DNAAF4: variants seen among roughly 807,000 people sequenced by gnomAD.
The protein encoded by DNAAF4 is dynein axonemal assembly factor 4.
A neutral mutation model predicts 51.8 loss-of-function variants in DNAAF4; 43 were observed. That is an observed-to-expected ratio of 0.83 (90% confidence interval 0.65 to 1.07). The LOEUF (loss-of-function observed/expected upper bound fraction) is 1.07, where lower values mean the gene tolerates loss of function less well. Ranked by LOEUF, DNAAF4 falls within the 50% of genes least tolerant of loss-of-function variation. DNAAF4 has a pLI of 0.00. For missense variants in DNAAF4, 581 were observed against 493.0 expected (o/e 1.18, Z -1.69); for synonymous variants, 194 against 165.6 (o/e 1.17, Z -1.32).
chr15:55,470,873 A>C (rs1358939538), intron 4 of DNAAF4, among the ~76,000 whole-genome samples: 1 of 101,700 alleles, frequency 9.8e-6, no homozygotes, highest in Non-Finnish European at 1.9e-5. Context: ...TTTTTTTGAG[A>C]CAAGGTCTTG....
chr15:55,460,921 C>T (rs2058086203), intron 5 of DNAAF4, among the ~76,000 whole-genome samples: 1 of 152,120 alleles, frequency 6.6e-6, no homozygotes, highest in Admixed American at 6.6e-5. Context: ...CCCGCCACCA[C>T]ACCAGCCTAA....
At chr15:55,424,815 C>G (rs1018178474) in intron 7 of DNAAF4, among the ~76,000 whole-genome samples, 1 of 152,084 alleles carries the variant, frequency 6.6e-6, no homozygotes, top group African/African-American at 2.4e-5. Flanking sequence ...CCTGCCTCAG[C>G]CTCCCAAAGT....
At chr15:55,452,396 TC>T (rs1443376529) in intron 5 of DNAAF4, among the ~76,000 whole-genome samples, 2 of 151,724 alleles carry the variant, frequency 1.3e-5, no homozygotes, top group African/African-American at 4.8e-5. Context: ...ATCACTATTA[TC>T]CCATGAGGAT....
chr15:55,469,740 T>A (rs1020532203), intron 4 of DNAAF4, among the ~76,000 whole-genome samples: 2 of 152,120 alleles, frequency 1.3e-5, no homozygotes, highest in African/African-American at 4.8e-5. Flanking sequence ...TCCGCCCACC[T>A]TGACCTCCCA....
At chr15:55,505,811 A>G (rs1374765599) in intron 1 of DNAAF4, among the ~76,000 whole-genome samples, 2 of 152,198 alleles carry the variant, frequency 1.3e-5, no homozygotes, top group East Asian at 3.8e-4. Context: ...AGAAATACCT[A>G]ATGTAAGTGA....
chr15:55,438,299 C>A (rs1365615604), intron 7 of DNAAF4, among the ~76,000 whole-genome samples: 1 of 149,184 alleles, frequency 6.7e-6, no homozygotes, highest in Non-Finnish European at 1.5e-5. Context: ...TGCATTGAGC[C>A]AAGATTGTGC....
intron 4 of DNAAF4, among the ~76,000 whole-genome samples, chr15:55,473,247 GTGTGTATATATA>G (rs2058286626): frequency 7.7e-6 from 1 of 130,298 alleles, no homozygotes; most frequent in African/African-American, 3.1e-5. Flanking sequence ...ATATATATGT[GTGTGTATATATA>G]TGTGTATATA....
intron 6 of DNAAF4, among the ~76,000 whole-genome samples, chr15:55,447,678 C>T (rs1279584532): frequency 1.3e-5 from 2 of 148,986 alleles, no homozygotes; most frequent in South Asian, 2.2e-4. Context: ...GTCGGCAGGC[C>T]GAGGCAGGAG....
chr15:55,465,393 TACACAC>T (rs61176405), intron 5 of DNAAF4, among the ~76,000 whole-genome samples: 4 of 149,692 alleles, frequency 2.7e-5, no homozygotes, highest in African/African-American at 7.4e-5. Flanking sequence ...GGTGTATATA[TACACAC>T]ACACACACAC....
intron 4 of DNAAF4, among the ~76,000 whole-genome samples, chr15:55,487,948 C>T (rs1470749667): frequency 6.6e-6 from 1 of 152,012 alleles, no homozygotes; most frequent in Non-Finnish European, 1.5e-5. Context: ...GCTAATGGTA[C>T]ATTAGCAAAT....
chr15:55,430,624 T>C lies in DNAAF4; in HGVS notation c.*46A>G. The C allele has an allele frequency of 6.3e-7, 1 of 1,590,490 alleles. No homozygotes were observed. On this transcript the variant is annotated 3_prime_UTR_variant, in exon 10 of 10. Transcript: ENST00000321149. ...TAATATGTACAAAGATGCCTCCAGT[T>C]GTTTTTAAAAAACTTATAACAATAC...
chr15:55,446,620 C>G (rs1323045409), intron 6 of DNAAF4, among the ~76,000 whole-genome samples: 1 of 138,486 alleles, frequency 7.2e-6, no homozygotes, highest in East Asian at 2.3e-4. Context: ...GGCGGCCGAG[C>G]AGAGGCGCAC....
chr15:55,429,751 A>G (rs543927320), downstream of DNAAF4, among the ~76,000 whole-genome samples: 1 of 151,436 alleles, frequency 6.6e-6, no homozygotes, highest in South Asian at 2.1e-4. Flanking sequence ...CAGGAGGCAG[A>G]GCTTGCAGTG....
At chr15:55,435,142 A>C in intron 7 of DNAAF4, 84 bp from the exon 8 acceptor site, 1 of 1,431,454 alleles carries the variant, frequency 7.0e-7, no homozygotes, top group South Asian at 1.4e-5. Context: ...TTTGACAAAG[A>C]GGATGGCTTA....
intron 6 of DNAAF4, among the ~76,000 whole-genome samples, chr15:55,445,284 A>C (rs1454209975): frequency 6.6e-6 from 1 of 151,988 alleles, no homozygotes; most frequent in East Asian, 1.9e-4. Flanking sequence ...TTAACAAAGC[A>C]CATCTTGCAC....
chr15:55,475,967 C>G (rs1296929608), intron 4 of DNAAF4, among the ~76,000 whole-genome samples: 1 of 152,092 alleles, frequency 6.6e-6, no homozygotes, highest in Admixed American at 6.6e-5. Flanking sequence ...ACCCTATCAC[C>G]TTTTAAGGCT....
chr15:55,505,012 A>C (rs1217727363), intron 1 of DNAAF4, among the ~76,000 whole-genome samples: 6 of 152,214 alleles, frequency 3.9e-5, no homozygotes, highest in Non-Finnish European at 4.4e-5. Flanking sequence ...AAATTTTTGC[A>C]ATCTATCCAT....
At chr15:55,436,799 G>A (rs1282703294) in intron 7 of DNAAF4, among the ~76,000 whole-genome samples, 2 of 152,240 alleles carry the variant, frequency 1.3e-5, no homozygotes, top group African/African-American at 2.4e-5. Flanking sequence ...GATTACAGGC[G>A]TGAGCCACTG....
Position 55,430,819 on chromosome 15 carries a change from TTTA to T in DNAAF4, c.1154-43_1154-41del, listed in dbSNP as rs767130041. Reference sequence around the variant, plus strand: ...CAATGATGATTAATACAATAAATATTTTATTAGCACTTCTTTTATCTAGACAAT... The same window carrying T: ...CAATGATGATTAATACAATAAATATTTTAGCACTTCTTTTATCTAGACAAT... On this transcript the variant is annotated intron_variant, in intron 9 of 9. Transcript: ENST00000321149. 8.5e-5 allele frequency: 125 copies of T among 1,464,822 alleles called. 1 individual carries two copies. Among genetic ancestry groups the T allele is most frequent in the Non-Finnish European group, 1.1e-4 (117 of 1,055,688 alleles). 90.7% of individuals were successfully genotyped at this position (1,464,822 alleles called of 1,614,324 possible). A position where few individuals can be genotyped will look rare whatever the true frequency, so the allele number is the denominator to read the frequency against.
Sources: allele counts gnomAD v4.1 joint callset (sites outside exome capture counted in the v4.1 genomes callset), GRCh38; gene constraint gnomAD v4.1.1; transcripts MANE v1.5; gene names NCBI Gene and HGNC (gene_info 2026-07-23, HGNC 2026-07-21).